IK: variants seen among roughly 807,000 people sequenced by gnomAD.
The protein encoded by IK is protein Red.
In IK, 47 loss-of-function variants were observed where a neutral mutation model predicts 90.9. The ratio of observed to expected loss-of-function variants is 0.52; its 90% CI spans 0.41 to 0.66. IK has a LOEUF of 0.66. IK is among the 30% of genes least tolerant of loss of function. The pLI is 0.00. For missense variants in IK, 385 were observed against 709.3 expected (o/e 0.54, Z 5.19); for synonymous variants, 201 against 227.5 (o/e 0.88, Z 1.05).
Position 140,652,695 on chromosome 5 carries a change from T to C in IK, c.237-282T>C, listed in dbSNP as rs147908977. Among the ~76,000 whole-genome samples, 709 of 152,352 alleles carry C rather than the reference T, an allele frequency of 4.7e-3. 5 individuals are homozygous for C. The highest frequency in any genetic ancestry group is 7.8e-3 in the Non-Finnish European group (532 of 68,036). On this transcript the variant is annotated intron_variant, in intron 4 of 19. Transcript: ENST00000417647. ...CTGATTTTTGTGTGGAAAAGTCTTATATCTATAGAGAATTGGTAGAGTTGG... is the reference window on the plus strand; with the variant it reads ...CTGATTTTTGTGTGGAAAAGTCTTACATCTATAGAGAATTGGTAGAGTTGG...
At chr5:140,651,999 G>A in intron 3 of IK, 89 bp from the exon 4 acceptor site, 4 of 1,023,812 alleles carry the variant, frequency 3.9e-6, no homozygotes, top group Non-Finnish European at 4.7e-6. Flanking sequence ...CAGTATTCTA[G>A]GTCTTTCTAA....
chr5:140,653,666 G>A (rs75483763), intron 5 of IK, among the ~76,000 whole-genome samples: 27 of 131,000 alleles, frequency 2.1e-4, no homozygotes, highest in East Asian at 1.5e-3. Context: ...GTGCAGTAGC[G>A]CGATCTCAGC....
intron 10 of IK, 133 bp from the exon 11 acceptor site, chr5:140,658,604 G>A (rs893481999): frequency 2.7e-6 from 2 of 732,698 alleles, no homozygotes; most frequent in East Asian, 2.8e-5. Flanking sequence ...ACAGGCGTGA[G>A]CCACCGCACC....
At chr5:140,648,366 C>T (rs1448599993) in intron 1 of IK, 105 bp from the exon 2 acceptor site, 3 of 976,744 alleles carry the variant, frequency 3.1e-6, no homozygotes, top group Admixed American at 3.4e-5. Context: ...GACACTGTCG[C>T]TGTTCTAACT....
chr5:140,654,783 T>A, intron 8 of IK, 56 bp downstream of exon 8: 1 of 1,153,762 alleles, frequency 8.7e-7, no homozygotes, highest in Non-Finnish European at 1.3e-6. Context: ...GTACGGAATT[T>A]AATGCTCTGG....
At chr5:140,648,757 A>C in intron 2 of IK, 1 of 500,694 alleles carries the variant, frequency 2.0e-6, no homozygotes. Context: ...TTTTTTTTTT[A>C]TACGTGTTGT....
chr5:140,648,000 T>C, intron 1 of IK, 76 bp downstream of exon 1: 1 of 1,331,740 alleles, frequency 7.5e-7, no homozygotes, highest in Non-Finnish European at 1.1e-6. Flanking sequence ...CTTCTGAGCT[T>C]AAGCCGGGTG....
Position 140,655,893 on chromosome 5 carries a change from G to T in IK, c.702G>T (p.Pro234=). The part of the protein sequence containing the change: ...KAYERNELFL[P]GRMAYVVDLD... The stretch of plus-strand genomic sequence containing the variant: ...ATGAGCGGAATGAGTTGTTCCTGCC[G>T]GGCCGCATGGCCTATGTGGTAGACC... Residue 234 remains proline (P), a synonymous_variant, in exon 9 of 20, where the codon CCG becomes CCT. Coordinates refer to ENST00000417647, the MANE Select transcript of IK (RefSeq NM_006083.4). 1.2e-6 allele frequency: 2 copies of T among 1,601,110 alleles called. No homozygotes were observed. Among genetic ancestry groups the T allele is most frequent in the Non-Finnish European group, 1.7e-6 (2 of 1,173,114 alleles).
chr5:140,659,389 T>G, intron 13 of IK, 56 bp downstream of exon 13: 1 of 1,601,150 alleles, frequency 6.2e-7, no homozygotes, highest in Non-Finnish European at 8.6e-7. Context: ...TTTCCCCTGG[T>G]AGGGCTCAGA....
Position 140,652,105 on chromosome 5 carries a change from A to G in IK, c.194A>G (p.Asn65Ser), listed in dbSNP as rs753863619. ...TCTTCTAGGATGCCAAGGGAGTACA[A>G]TGAGGATGAAGACCCAGCTGCACGA... ...SRHHEMPREYNEDEDPAARRR... is the reference protein window; with the variant it reads ...SRHHEMPREYSEDEDPAARRR... The change falls in exon 4 of 20, where the codon AAT becomes AGT. Residue 65 changes from asparagine to serine, a missense_variant. Asn to Ser is a conservative substitution (Grantham distance 46). Around this residue, in one of 8 missense-constraint regions of IK, gnomAD observed 64 missense variants for 144.6 expected, o/e 0.44. Coordinates refer to ENST00000417647, the MANE Select transcript of IK (RefSeq NM_006083.4). 6.2e-6 allele frequency: 10 copies of G among 1,613,680 alleles called. No individual in the cohort carries two copies. Among genetic ancestry groups the G allele is most frequent in the East Asian group, 2.2e-5 (1 of 44,876 alleles).
At chr5:140,649,772 A>T (rs1053618980) in intron 2 of IK, among the ~76,000 whole-genome samples, 1 of 151,472 alleles carries the variant, frequency 6.6e-6, no homozygotes, top group Non-Finnish European at 1.5e-5. Context: ...ACCTCAAATG[A>T]TCTGCCCGTC....
At chr5:140,655,496 T>C (rs1299780469) in intron 8 of IK, among the ~76,000 whole-genome samples, 1 of 152,232 alleles carries the variant, frequency 6.6e-6, no homozygotes, top group Non-Finnish European at 1.5e-5. Flanking sequence ...TCCTTCTTCC[T>C]CACAGGACTT....
At chr5:140,653,193 T>C (rs1581481824) in intron 5 of IK, 49 bp downstream of exon 5, 2 of 1,522,458 alleles carry the variant, frequency 1.3e-6, no homozygotes, top group Admixed American at 3.5e-5. Flanking sequence ...CCGAGAGTCA[T>C]GCAAATACAA....
chr5:140,654,074 G>A (rs1355410807), intron 6 of IK, 22 bp downstream of exon 6: 3 of 1,380,992 alleles, frequency 2.2e-6, no homozygotes, highest in African/African-American at 2.8e-5. Context: ...TGGTCAGGTG[G>A]GGAGTAATAC....
rs781358238 is a variant in IK, at chr5:140,661,708, A to G, written c.1502A>G (p.Lys501Arg). Reference sequence around the variant, plus strand: ...ATGAACAACAAAGAAGCTTTGCCCAAGTGAGTCGGTACTGAATATGGGCAG... The same window carrying G: ...ATGAACAACAAAGAAGCTTTGCCCAGGTGAGTCGGTACTGAATATGGGCAG... ...EYMNNKEALPKAAFQYGIKMS... is the reference protein window; with the variant it reads ...EYMNNKEALPRAAFQYGIKMS... Residue 501 changes from lysine (K) to arginine (R), a missense_variant and splice_region_variant, in exon 17 of 20, where the codon AAG (lysine) becomes AGG (arginine). By Grantham distance (26) the Lys-to-Arg change is conservative. Transcript: ENST00000417647. This position sits in a 1 kb window ranked among gnomAD's most constrained non-coding sequence, Gnocchi z 4.2. 1 of 1,603,618 alleles carries G rather than the reference A, an allele frequency of 6.2e-7. No homozygotes were observed.
chr5:140,656,960 C>T (rs1757721348), intron 9 of IK, among the ~76,000 whole-genome samples: 1 of 152,132 alleles, frequency 6.6e-6, no homozygotes, highest in Non-Finnish European at 1.5e-5. Context: ...CCTGTAATCC[C>T]AGCACTTTGG....
At position 140,655,965 on chromosome 5, in the gene IK, C is replaced by T. The variant is rs528638617; in HGVS notation, c.774C>T (p.Arg258=). The T allele has an allele frequency of 1.2e-4, 189 of 1,554,118 alleles. 1 individual carries two copies. In the Admixed American group the frequency reaches 3.6e-3, roughly 30 times the overall value. The part of the protein sequence containing the change: ...ADTDIPTTLI[R]SKADCPTMEA... Reference sequence around the variant, plus strand: ...CAGATATCCCCACCACTCTTATCCGCAGCAAGGCTGATTGCCCCACCATGG... The same window carrying T: ...CAGATATCCCCACCACTCTTATCCGTAGCAAGGCTGATTGCCCCACCATGG... Residue 258 remains arginine, a synonymous_variant, in exon 9 of 20, where the codon CGC becomes CGT. Transcript: ENST00000417647.
In IK at chr5:140,662,193, G is replaced by A; in HGVS notation, c.1626G>A (p.Arg542=). Residue 542 remains arginine (R), a synonymous_variant, in exon 19 of 20, where the codon AGG becomes AGA. Coordinates refer to ENST00000417647, the MANE Select transcript of IK (RefSeq NM_006083.4). ...WKKISAIIEK[R]KKMEADGVEV... ...TGTTTTTGCAGATCATTGAGAAGAGGAAGAAGATGGAAGCTGATGGGTGAG... is the reference window on the plus strand; with the variant it reads ...TGTTTTTGCAGATCATTGAGAAGAGAAAGAAGATGGAAGCTGATGGGTGAG... The A allele has an allele frequency of 6.2e-7, 1 of 1,614,050 alleles. No individual in the cohort carries two copies. The highest frequency in any genetic ancestry group is 2.2e-5 in the East Asian group (1 of 44,886).
chr5:140,650,970 A>G (rs1757604994), intron 2 of IK, among the ~76,000 whole-genome samples: 1 of 152,230 alleles, frequency 6.6e-6, no homozygotes, highest in Non-Finnish European at 1.5e-5. Context: ...ATATAAATAA[A>G]TGGAGTTGCT....
Sources: gnomAD v4.1 joint callset for allele counts (sites outside exome capture counted in the v4.1 genomes callset) on GRCh38, gnomAD v4.1.1 for gene constraint, gnomAD v4.1.1 regional missense constraint, Gnocchi (gnomAD v3.1) non-coding constraint, MANE v1.5 for transcripts, NCBI Gene and HGNC (gene_info 2026-07-23, HGNC 2026-07-21) for gene names.